POU6F2: variants seen among roughly 807,000 people sequenced by gnomAD.
The protein encoded by POU6F2 is POU domain, class 6, transcription factor 2.
In POU6F2, 31 loss-of-function variants were observed where a neutral mutation model predicts 71.3. That is an observed-to-expected ratio of 0.43 (90% confidence interval 0.33 to 0.59). POU6F2 has a LOEUF of 0.59. POU6F2 is among the 20% of genes least tolerant of loss of function. The pLI, the probability that POU6F2 is intolerant of heterozygous loss-of-function variation, is 0.04. For synonymous variants in POU6F2, 347 were observed against 355.7 expected, an observed-to-expected ratio of 0.98 and a Z score of 0.27; for missense variants, 783 against 856.8, an observed-to-expected ratio of 0.91 and a Z score of 1.07.
intron 4 of POU6F2, among the ~76,000 whole-genome samples, chr7:39,284,107 A>T (rs1251623248): frequency 4.6e-5 from 7 of 152,188 alleles, no homozygotes; most frequent in African/African-American, 1.7e-4. Flanking sequence ...AGAAGGCTGG[A>T]AATCCCTTTG....
rs535944285 is a variant in POU6F2, at chr7:39,280,781, G to T, written c.599-58861G>T. On this transcript the variant is annotated intron_variant, in intron 4 of 9. Coordinates refer to ENST00000518318, the MANE Select transcript of POU6F2 (RefSeq NM_001370959.1). ...TAAGTTAACATAGCGATTGCTTTGG[G>T]ATTTCACTAAACTGAAGCACTGGGA... Among the ~76,000 whole-genome samples, 4 of 152,326 alleles carry T rather than the reference G, an allele frequency of 2.6e-5. No homozygotes were observed. In the East Asian group the frequency reaches 7.7e-4, roughly 29 times the overall value.
intron 1 of POU6F2, among the ~76,000 whole-genome samples, chr7:39,008,961 C>A (rs1789176401): frequency 6.6e-6 from 1 of 152,200 alleles, no homozygotes; most frequent in South Asian, 2.1e-4. Context: ...TAGCATGATG[C>A]CTCCAGCTTT....
In POU6F2 at chr7:39,314,786, C is replaced by T. The variant is rs142679847; in HGVS notation, c.599-24856C>T. ...GCAAAGGCATTAAAGAGATCTAAAG[C>T]GCTGAATAAAAAAAGAATTGTTCCT... On this transcript the variant is annotated intron_variant, in intron 4 of 9. Transcript: ENST00000518318. Among the ~76,000 whole-genome samples, 85 of 151,942 alleles carry T rather than the reference C, an allele frequency of 5.6e-4. No individual in the cohort carries two copies. The East Asian group carries it at 6.0e-3, about 11-fold the overall frequency.
chr7:39,285,039 A>G (rs1562776546), intron 4 of POU6F2, among the ~76,000 whole-genome samples: 1 of 152,176 alleles, frequency 6.6e-6, no homozygotes, highest in African/African-American at 2.4e-5. Flanking sequence ...CATCCCTCAC[A>G]GGGGATACCA....
intron 4 of POU6F2, among the ~76,000 whole-genome samples, chr7:39,327,070 G>C (rs1174216916): frequency 6.6e-6 from 1 of 152,080 alleles, no homozygotes; most frequent in African/African-American, 2.4e-5. Context: ...ACGAGGTCAG[G>C]AGATTGAGAC....
chr7:39,353,681 G>A (rs907858911), intron 5 of POU6F2, among the ~76,000 whole-genome samples: 1 of 152,172 alleles, frequency 6.6e-6, no homozygotes, highest in African/African-American at 2.4e-5. Flanking sequence ...CAGTGCTGGA[G>A]ATTATGAATT....
At chr7:39,457,278 A>T (rs1788827611) in intron 8 of POU6F2, among the ~76,000 whole-genome samples, 1 of 152,206 alleles carries the variant, frequency 6.6e-6, no homozygotes, top group African/African-American at 2.4e-5. Flanking sequence ...TAGACCATGG[A>T]AACCCTTCCA....
chr7:39,398,023 G>A (rs1207967802), intron 5 of POU6F2, among the ~76,000 whole-genome samples: 1 of 151,578 alleles, frequency 6.6e-6, no homozygotes, highest in Non-Finnish European at 1.5e-5. Flanking sequence ...GTTTCAGCAT[G>A]TTGAAGCACG....
At chr7:39,402,518 G>A (rs927997840) in intron 5 of POU6F2, among the ~76,000 whole-genome samples, 2 of 152,024 alleles carry the variant, frequency 1.3e-5, no homozygotes, top group Non-Finnish European at 2.9e-5. Flanking sequence ...CTCCAAAATG[G>A]GTGCCCTTAT....
In POU6F2 at chr7:39,207,625, T is replaced by A. The variant is rs1334566891; in HGVS notation, c.598+5T>A. On this transcript the variant is annotated splice_donor_5th_base_variant and intron_variant, in intron 4 of 9. Transcript: ENST00000518318. The stretch of plus-strand genomic sequence containing the variant: ...TGCCACTGCAAAATCTACAAGGTAA[T>A]CCATAATGTCCATGCGCCACGTAAG... The A allele has an allele frequency of 1.2e-6, 2 of 1,611,296 alleles. No individual in the cohort carries two copies. Among genetic ancestry groups the A allele is most frequent in the Non-Finnish European group, 1.7e-6 (2 of 1,178,190 alleles).
intron 5 of POU6F2, among the ~76,000 whole-genome samples, chr7:39,370,655 T>C (rs1786588533): frequency 6.6e-6 from 1 of 152,240 alleles, no homozygotes; most frequent in Admixed American, 6.5e-5. Flanking sequence ...ATGTGTCAAC[T>C]TGATTGGGCC....
At chr7:39,262,047 G>A (rs1370928147) in intron 4 of POU6F2, among the ~76,000 whole-genome samples, 3 of 152,146 alleles carry the variant, frequency 2.0e-5, no homozygotes, top group East Asian at 3.9e-4. Context: ...AAGGGGTCTG[G>A]GAACAACAAA....
Position 39,387,571 on chromosome 7 carries a change from C to T in POU6F2, c.973-19029C>T, listed in dbSNP as rs576251093. On this transcript the variant is annotated intron_variant, in intron 5 of 9. Coordinates refer to ENST00000518318, the MANE Select transcript of POU6F2 (RefSeq NM_001370959.1). ...CAGGATCAAGTTAGTACGTCAGGTG[C>T]GCATTCCATCCACATGAACCTCCAC... is the stretch of plus-strand genomic sequence containing the variant. Among the ~76,000 whole-genome samples the T allele has an allele frequency of 2.7e-4, 41 of 152,310 alleles. 1 individual carries two copies. In the South Asian group the frequency reaches 6.9e-3, roughly 25 times the overall value.
intron 4 of POU6F2, among the ~76,000 whole-genome samples, chr7:39,225,339 T>C (rs1322898626): frequency 6.6e-6 from 1 of 152,058 alleles, no homozygotes. Context: ...TTATAATACA[T>C]TTTTTTTGGT....
chr7:39,040,769 T>A (rs1043777900), intron 1 of POU6F2, among the ~76,000 whole-genome samples: 14 of 151,932 alleles, frequency 9.2e-5, no homozygotes, highest in Admixed American at 7.9e-4. Context: ...TGAAACAAAT[T>A]CAAATATTCA....
At chr7:39,406,410 C>T (rs1787427703) in intron 5 of POU6F2, 190 bp from the exon 6 acceptor site, 1 of 600,592 alleles carries the variant, frequency 1.7e-6, no homozygotes, top group Non-Finnish European at 2.8e-6. Flanking sequence ...ATTTTCCTTC[C>T]AGCCTCGTTT....
chr7:39,369,774 C>T (rs1407987637), intron 5 of POU6F2, among the ~76,000 whole-genome samples: 2 of 152,074 alleles, frequency 1.3e-5, no homozygotes, highest in African/African-American at 2.4e-5. Flanking sequence ...GCCTCGACCT[C>T]CCAGGCTCAA....
chr7:38,998,962 C>T (rs918034676), intron 1 of POU6F2, among the ~76,000 whole-genome samples: 1 of 151,934 alleles, frequency 6.6e-6, no homozygotes, highest in East Asian at 1.9e-4. Context: ...CTGCACCCAG[C>T]TGTTGTTAAT....
chr7:39,123,950 T>G (rs1792094552), intron 2 of POU6F2, among the ~76,000 whole-genome samples: 1 of 152,128 alleles, frequency 6.6e-6, no homozygotes, highest in Non-Finnish European at 1.5e-5. Context: ...CAATATAAAT[T>G]GCATACCACT....
Sources: gnomAD v4.1 joint callset for allele counts (sites outside exome capture counted in the v4.1 genomes callset) on GRCh38, gnomAD v4.1.1 for gene constraint, MANE v1.5 for transcripts, NCBI Gene and HGNC (gene_info 2026-07-23, HGNC 2026-07-21) for gene names.